The following RTN4 variants were observed in gnomAD, a reference collection of about 807,000 sequenced individuals.
RTN4 encodes reticulon-4.
A neutral mutation model predicts 90.4 loss-of-function variants in RTN4; 32 were observed. The ratio of observed to expected loss-of-function variants is 0.35; its 90% CI spans 0.27 to 0.48. RTN4 has a LOEUF of 0.48. Among genes scored for constraint, RTN4 ranks in the 20% least tolerant of loss-of-function variants. The pLI is 0.99. For missense variants in RTN4, 1,706 were observed against 1,430.2 expected (o/e 1.19, Z -3.11); for synonymous variants, 629 against 552.5 (o/e 1.14, Z -1.94).
At chr2:55,013,315 A>G (rs1680781343) in intron 3 of RTN4, among the ~76,000 whole-genome samples, 1 of 152,228 alleles carries the variant, frequency 6.6e-6, no homozygotes, top group South Asian at 2.1e-4. Flanking sequence ...CTCAATGTCC[A>G]TGTCCCCAGT....
At position 55,049,830 on chromosome 2, in the gene RTN4, G is replaced by A. The variant is rs367572909; in HGVS notation, c.471C>T (p.Pro157=). The A allele has an allele frequency of 2.3e-6, 3 of 1,307,178 alleles. No homozygotes were observed. Among genetic ancestry groups the A allele is most frequent in the Non-Finnish European group, 1.9e-6 (2 of 1,030,428 alleles). 81.0% of individuals were successfully genotyped at this position (1,307,178 alleles called of 1,614,324 possible). A position where few individuals can be genotyped will look rare whatever the true frequency, so the allele number is the denominator to read the frequency against. ...PPASVSPQAE[P]VWTPPAPAPA... ...GAGCCGGGGCTGGCGGGGTCCACAC[G>A]GGCTCTGCCTGGGGGCTCACGCTGG... is the stretch of plus-strand genomic sequence containing the variant. Residue 157 remains proline (P), a synonymous_variant, in exon 1 of 9, where the codon CCC becomes CCT. Transcript: ENST00000337526.
At chr2:55,008,176 C>CACACAA in intron 3 of RTN4, among the ~76,000 whole-genome samples, 1 of 149,682 alleles carries the variant, frequency 6.7e-6, no homozygotes, top group East Asian at 2.0e-4. Context: ...CACACACACA[C>CACACAA]CACCTTTTAA....
chr2:55,097,362 T>C (rs1349336639), intron 1 of RTN4, among the ~76,000 whole-genome samples: 16 of 150,904 alleles, frequency 1.1e-4, no homozygotes, highest in African/African-American at 3.9e-4. Context: ...ATTTCTGGGG[T>C]TGGGGGGAAA....
intron 3 of RTN4, among the ~76,000 whole-genome samples, chr2:55,022,930 CCCT>C (rs1681556092): frequency 6.7e-6 from 1 of 150,312 alleles, no homozygotes; most frequent in Non-Finnish European, 1.5e-5. Context: ...CACACACACA[CCCT>C]GCTCTCCCGC....
chr2:55,090,497 C>T (rs760655048), intron 1 of RTN4, among the ~76,000 whole-genome samples: 7 of 152,170 alleles, frequency 4.6e-5, no homozygotes, highest in South Asian at 2.1e-4. Flanking sequence ...AGTCCCTAAA[C>T]GGAGCCAATT....
chr2:55,109,101 T>C (rs1667992551), intron 1 of RTN4, among the ~76,000 whole-genome samples: 1 of 152,120 alleles, frequency 6.6e-6, no homozygotes. Context: ...TTGAAACGTT[T>C]CAGCCACAGC....
chr2:55,011,109 A>G (rs1680597003), intron 3 of RTN4, among the ~76,000 whole-genome samples: 2 of 152,128 alleles, frequency 1.3e-5, no homozygotes, highest in East Asian at 3.8e-4. Flanking sequence ...CATTGGTCAC[A>G]TGGCAACCTC....
In RTN4 at chr2:54,973,609, GATCT is replaced by G. The variant is rs769448091; in HGVS notation, c.3486_3489del (p.Asp1163IlefsTer3). On this transcript the variant is annotated frameshift_variant, in exon 8 of 9. Transcript: ENST00000337526. LOFTEE classifies it high-confidence loss of function. The stretch of plus-strand genomic sequence containing the variant: ...TTCTTATTTGCAAGTCCTAGATAAT[GATCT>G]ATCTGTGCCTGAAAGAGAGGTATAA... The G allele has an allele frequency of 1.2e-6, 2 of 1,609,798 alleles. No homozygotes were observed. The highest frequency in any genetic ancestry group is 1.3e-5 in the African/African-American group (1 of 74,932).
At chr2:55,044,169 T>C (rs1396398825) in intron 1 of RTN4, among the ~76,000 whole-genome samples, 1 of 152,158 alleles carries the variant, frequency 6.6e-6, no homozygotes, top group Non-Finnish European at 1.5e-5. Flanking sequence ...TACTTTAGCC[T>C]GGGTGAAAGA....
At chr2:55,101,999 T>C (rs2105057030) in intron 1 of RTN4, among the ~76,000 whole-genome samples, 1 of 152,268 alleles carries the variant, frequency 6.6e-6, no homozygotes, top group South Asian at 2.1e-4. Context: ...TCTACTGATA[T>C]TTCACTTTTA....
chr2:55,096,165 A>G lies in RTN4; in HGVS notation c.-213-15526T>C, dbSNP rs1185768907. 3.3e-5 allele frequency among the ~76,000 whole-genome samples: 5 copies of G among 152,106 alleles called. No individual in the cohort carries two copies. The East Asian group carries it at 9.6e-4, about 29-fold the overall frequency. ...AACATGGAGAAACCCCGTCTCTACT[A>G]AAAATACAAAATTAGCTGGGCGTGG... On this transcript the variant is annotated intron_variant, in intron 1 of 3. Coordinates refer to the RTN4 transcript ENST00000427710.
upstream of RTN4, among the ~76,000 whole-genome samples, chr2:55,055,350 A>G (rs926808092): frequency 1.3e-5 from 2 of 152,106 alleles, no homozygotes; most frequent in African/African-American, 4.8e-5. Context: ...TCATTCTAAT[A>G]TATAACTTAT....
chr2:55,085,029 G>A (rs1304193021), intron 1 of RTN4, among the ~76,000 whole-genome samples: 3 of 152,146 alleles, frequency 2.0e-5, no homozygotes, highest in Admixed American at 2.0e-4. Flanking sequence ...GGGTTCAAAC[G>A]ATCCTCCTGC....
chr2:55,105,872 C>T (rs760037247), intron 1 of RTN4, among the ~76,000 whole-genome samples: 2 of 152,044 alleles, frequency 1.3e-5, no homozygotes, highest in Non-Finnish European at 2.9e-5. Context: ...CCTAACTACT[C>T]TGGAGGCTGA....
At chr2:55,056,592 G>C (rs1452721304) in intron 2 of RTN4, 1 of 151,778 alleles carries the variant, frequency 6.6e-6, no homozygotes, top group African/African-American at 2.4e-5. Context: ...GGGCGTGATG[G>C]AGTGTGTCAC....
chr2:55,032,474 G>T (rs559937532), intron 1 of RTN4, among the ~76,000 whole-genome samples: 3 of 152,018 alleles, frequency 2.0e-5, no homozygotes, highest in African/African-American at 7.3e-5. Flanking sequence ...AATCTTGGTG[G>T]AGAAATATAG....
intron 2 of RTN4, among the ~76,000 whole-genome samples, chr2:55,065,160 T>G (rs1439220063): frequency 2.0e-5 from 3 of 151,888 alleles, no homozygotes; most frequent in Non-Finnish European, 2.9e-5. Flanking sequence ...TCTACGGGAG[T>G]TTTTTCATAT....
chr2:55,050,578 C>T (rs199717670), upstream of RTN4: 29 of 284,634 alleles, frequency 1.0e-4, no homozygotes, highest in Middle Eastern at 9.3e-4. The surrounding 1 kb of genome is among the most constrained non-coding windows in gnomAD (Gnocchi z 4.6). Flanking sequence ...GACTCACCCT[C>T]CCCAGGGGAG....
Position 55,049,797 on chromosome 2 carries a change from C to T in RTN4, c.504G>A (p.Ala168=), listed in dbSNP as rs1667996037. 1.6e-6 allele frequency: 2 copies of T among 1,280,572 alleles called. No individual in the cohort carries two copies. Among genetic ancestry groups the T allele is most frequent in the South Asian group, 2.3e-5 (1 of 42,718 alleles). The allele number at this position is 1,280,572 out of a possible 1,614,324, so 79.3% of individuals were successfully genotyped here. ...VWTPPAPAPA[A]PPSTPAAPKR... ...TGGGCGCGGCCGGGGTGGAGGGGGG[C>T]GCGGCGGGAGCCGGGGCTGGCGGGG... is the stretch of plus-strand genomic sequence containing the variant. Residue 168 remains alanine (A), a synonymous_variant, in exon 1 of 9, where the codon GCG becomes GCA. Coordinates refer to ENST00000337526, the MANE Select transcript of RTN4 (RefSeq NM_020532.5).
Sources: allele counts gnomAD v4.1 joint callset (sites outside exome capture counted in the v4.1 genomes callset), GRCh38; gene constraint gnomAD v4.1.1; non-coding constraint Gnocchi (gnomAD v3.1); transcripts MANE v1.5; gene names NCBI Gene and HGNC (gene_info 2026-07-23, HGNC 2026-07-21).